PIKFYVE: variants seen among roughly 807,000 people sequenced by gnomAD.
PIKFYVE encodes phosphoinositide kinase, FYVE-type zinc finger containing, also known as 1-phosphatidylinositol 3-phosphate 5-kinase.
In PIKFYVE, 122 loss-of-function variants were observed where a neutral mutation model predicts 257.9. The observed-to-expected ratio is 0.47, with a 90% confidence interval of 0.41 to 0.55. PIKFYVE has a LOEUF of 0.55. PIKFYVE is among the 20% of genes least tolerant of loss of function. The probability of loss-of-function intolerance (pLI) is 0.00; values close to 1 mark genes in which losing one functional copy is unlikely to be tolerated. For missense variants in PIKFYVE, 2,160 were observed against 2,536.6 expected (o/e 0.85, Z 3.19); for synonymous variants, 892 against 868.9 (o/e 1.03, Z -0.47).
rs756709303 is a variant in PIKFYVE, at chr2:208,325,431, A to G, written c.2620A>G (p.Met874Val). ...YHSQLEISFL[M>V]DEFAMPPTLM... ...TTCTCAACTAGAAATATCCTTTCTC[A>G]TGGATGAATTTGCTATGCCTCCCAC... Residue 874 changes from methionine to valine, a missense_variant, in exon 20 of 42, where the codon ATG (methionine) becomes GTG (valine). This residue lies in a region of PIKFYVE where 522 missense variants were observed against 514.6 expected (regional missense o/e 1.01). Transcript: ENST00000264380. 1.2e-6 allele frequency: 2 copies of G among 1,614,128 alleles called. No homozygotes were observed. The highest frequency in any genetic ancestry group is 1.1e-5 in the South Asian group (1 of 91,076).
intron 8 of PIKFYVE, among the ~76,000 whole-genome samples, chr2:208,300,418 A>G (rs548857024): frequency 2.2e-4 from 33 of 152,306 alleles, no homozygotes; most frequent in African/African-American, 7.7e-4. Context: ...ATTTGGGACT[A>G]CCTGGTGGAA....
At chr2:208,307,447 G>T (rs1297913019) in intron 12 of PIKFYVE, among the ~76,000 whole-genome samples, 1 of 152,208 alleles carries the variant, frequency 6.6e-6, no homozygotes, top group Non-Finnish European at 1.5e-5. Context: ...CTGTTGCCAG[G>T]TTTAGGCAAA....
chr2:208,320,858 C>T (rs979003679), intron 17 of PIKFYVE, among the ~76,000 whole-genome samples: 1 of 152,186 alleles, frequency 6.6e-6, no homozygotes, highest in Non-Finnish European at 1.5e-5. Flanking sequence ...TCAGCTGCTA[C>T]ACAGGCAGAA....
At position 208,328,366 on chromosome 2, in the gene PIKFYVE, A is replaced by AG; in HGVS notation, c.3719+88dup. ...AAACAAAAACAAAAAAACAGTCATTAGGACCTGTATTTAGGTACACAGCAC... is the reference window on the plus strand; with the variant it reads ...AAACAAAAACAAAAAAACAGTCATTAGGGACCTGTATTTAGGTACACAGCAC... On this transcript the variant is annotated intron_variant, in intron 21 of 41. Coordinates refer to ENST00000264380, the MANE Select transcript of PIKFYVE (RefSeq NM_015040.4). 5 of 1,537,726 alleles carry AG rather than the reference A, an allele frequency of 3.3e-6. No individual in the cohort carries two copies. In the South Asian group the frequency reaches 5.6e-5, roughly 17 times the overall value.
chr2:208,308,799 C>T (rs921045236), intron 12 of PIKFYVE, among the ~76,000 whole-genome samples: 3 of 150,608 alleles, frequency 2.0e-5, no homozygotes, highest in Non-Finnish European at 4.4e-5. Context: ...CCTCCGCCTT[C>T]CGGGTTAAAG....
At chr2:208,325,229 C>T (rs762472152) in intron 19 of PIKFYVE, 41 bp from the exon 20 acceptor site, 41 of 1,593,392 alleles carry the variant, frequency 2.6e-5, no homozygotes, top group Middle Eastern at 1.7e-4. Flanking sequence ...TCTGGATTGC[C>T]ACCTCCACCA....
intron 23 of PIKFYVE, 75 bp downstream of exon 23, chr2:208,330,769 G>GAAC: frequency 6.9e-7 from 1 of 1,451,516 alleles, no homozygotes; most frequent in Non-Finnish European, 9.4e-7. Flanking sequence ...TTCCTGAGGA[G>GAAC]GTTTCCTATA....
Position 208,271,667 on chromosome 2 carries a change from G to A in PIKFYVE, c.148G>A (p.Val50Ile). The change falls in exon 2 of 42, where the codon GTA (valine) becomes ATA (isoleucine). Residue 50 changes from valine to isoleucine, a missense_variant. Val to Ile is a conservative substitution (Grantham distance 29). Around this residue, in one of 12 missense-constraint regions of PIKFYVE, gnomAD observed 172 missense variants for 180.6 expected, o/e 0.95. Transcript: ENST00000264380. ...TTTTAAATCAGCTTATAGTTCTTTT[G>A]TAAATCTCTTTCGTTTTAACAAAGG... is the stretch of plus-strand genomic sequence containing the variant. ...PPFKSAYSSFVNLFRFNKERA... is the reference protein window; with the variant it reads ...PPFKSAYSSFINLFRFNKERA... 6.2e-7 allele frequency: 1 copy of A among 1,613,812 alleles called. No homozygotes were observed. The highest frequency in any genetic ancestry group is 2.2e-5 in the East Asian group (1 of 44,868).
At chr2:208,347,398 G>C (rs532623559) in intron 34 of PIKFYVE, among the ~76,000 whole-genome samples, 28 of 152,160 alleles carry the variant, frequency 1.8e-4, no homozygotes, top group African/African-American at 6.3e-4. Context: ...TTAAACTGTA[G>C]GAACACAAAT....
chr2:208,337,591 A>G (rs748840723), intron 28 of PIKFYVE, among the ~76,000 whole-genome samples: 5 of 152,090 alleles, frequency 3.3e-5, no homozygotes, highest in South Asian at 4.1e-4. Context: ...CTATCGATCT[A>G]TCTATCTAGA....
intron 16 of PIKFYVE, 145 bp from the exon 17 acceptor site, chr2:208,320,107 G>T: frequency 1.7e-6 from 2 of 1,207,900 alleles, no homozygotes; most frequent in Non-Finnish European, 2.2e-6. Flanking sequence ...TACCGTAAAA[G>T]AACTAAATGA....
At chr2:208,313,520 C>T (rs957246089) in intron 13 of PIKFYVE, among the ~76,000 whole-genome samples, 12 of 151,654 alleles carry the variant, frequency 7.9e-5, no homozygotes, top group South Asian at 6.2e-4. Flanking sequence ...TCATCACTCT[C>T]GCTATCATGT....
At chr2:208,286,810 C>T (rs1024249652) in intron 6 of PIKFYVE, among the ~76,000 whole-genome samples, 1 of 151,908 alleles carries the variant, frequency 6.6e-6, no homozygotes, top group African/African-American at 2.4e-5. Flanking sequence ...ATGAGCCACT[C>T]ACTGCACCTG....
intron 13 of PIKFYVE, among the ~76,000 whole-genome samples, chr2:208,313,830 A>C (rs1218596648): frequency 1.3e-5 from 2 of 152,132 alleles, no homozygotes; most frequent in East Asian, 1.9e-4. Flanking sequence ...TGATCTGCCC[A>C]CCTCGGCCTC....
intron 5 of PIKFYVE, among the ~76,000 whole-genome samples, chr2:208,282,006 A>G (rs74906079): frequency 0.037 from 5,700 of 152,300 alleles, 334 homozygotes; most frequent in African/African-American, 0.13. Flanking sequence ...TTGAATCCCT[A>G]AGGTTATCCA....
Position 208,336,219 on chromosome 2 carries a change from G to T in PIKFYVE, c.4520+19G>T. On this transcript the variant is annotated intron_variant, in intron 27 of 41. Coordinates refer to ENST00000264380, the MANE Select transcript of PIKFYVE (RefSeq NM_015040.4). The stretch of plus-strand genomic sequence containing the variant: ...ATAACAGGTGTGATTTTGCAGTCTG[G>T]TTTTCTTTAATATTATTGCCACATT... 3 of 1,613,638 alleles carry T rather than the reference G, an allele frequency of 1.9e-6. No homozygotes were observed. The highest frequency in any genetic ancestry group is 2.5e-6 in the Non-Finnish European group (3 of 1,179,688).
At chr2:208,338,380 T>C (rs183420774) in intron 28 of PIKFYVE, 128 bp from the exon 29 acceptor site, 519 of 674,438 alleles carry the variant, frequency 7.7e-4, no homozygotes, top group Non-Finnish European at 1.2e-3. Flanking sequence ...ATTAAGGGGG[T>C]TTTTAGTAAT....
At chr2:208,289,801 C>G (rs553256631) in intron 7 of PIKFYVE, among the ~76,000 whole-genome samples, 1 of 152,214 alleles carries the variant, frequency 6.6e-6, no homozygotes, top group Non-Finnish European at 1.5e-5. Context: ...CTTCTGACCT[C>G]AAGCGATCTT....
intron 23 of PIKFYVE, 118 bp downstream of exon 23, chr2:208,330,812 T>G: frequency 1.3e-5 from 13 of 1,010,182 alleles, no homozygotes; most frequent in Non-Finnish European, 1.7e-5. Context: ...TATAGAGCTC[T>G]ATTTGTCATT....
Sources: gnomAD v4.1 joint callset for allele counts (sites outside exome capture counted in the v4.1 genomes callset) on GRCh38, gnomAD v4.1.1 for gene constraint, gnomAD v4.1.1 regional missense constraint, MANE v1.5 for transcripts, NCBI Gene and HGNC (gene_info 2026-07-23, HGNC 2026-07-21) for gene names.